The following FGGY variants were observed in gnomAD, a reference collection of about 807,000 sequenced individuals.
The protein encoded by FGGY is FGGY carbohydrate kinase domain containing, also known as FGGY carbohydrate kinase domain-containing protein.
FGGY carries 72 observed loss-of-function variants against 71.3 expected under a neutral mutation model. The ratio of observed to expected loss-of-function variants is 1.01; its 90% CI spans 0.84 to 1.23. FGGY has a LOEUF of 1.23. Ranked by LOEUF, FGGY falls within the 50% of genes most tolerant of loss-of-function variation. The probability of loss-of-function intolerance (pLI) is 0.00; values close to 1 mark genes in which losing one functional copy is unlikely to be tolerated. For missense variants in FGGY, 668 were observed against 682.3 expected (o/e 0.98, Z 0.23); for synonymous variants, 251 against 250.3 (o/e 1.00, Z -0.02).
At chr1:59,398,593 G>T (rs1419885453) in intron 5 of FGGY, among the ~76,000 whole-genome samples, 1 of 152,116 alleles carries the variant, frequency 6.6e-6, no homozygotes, top group Non-Finnish European at 1.5e-5. Flanking sequence ...GGGAAAATGG[G>T]ATATGTTGAC....
chr1:59,651,068 A>T (rs187474478), intron 11 of FGGY, among the ~76,000 whole-genome samples: 4 of 150,984 alleles, frequency 2.6e-5, no homozygotes, highest in African/African-American at 4.9e-5. Flanking sequence ...GCTTTGAGTG[A>T]GATTCTTAAT....
chr1:59,347,538 G>A (rs1188383532), intron 4 of FGGY, among the ~76,000 whole-genome samples: 1 of 152,068 alleles, frequency 6.6e-6, no homozygotes, highest in African/African-American at 2.4e-5. Context: ...TTGCTGTTGT[G>A]AATAGTGCCA....
chr1:59,441,932 G>A (rs1432415621), intron 5 of FGGY, among the ~76,000 whole-genome samples: 1 of 152,110 alleles, frequency 6.6e-6, no homozygotes, highest in Non-Finnish European at 1.5e-5. Context: ...TACAACCTTT[G>A]TCCACCTGGT....
intron 7 of FGGY, among the ~76,000 whole-genome samples, chr1:59,521,058 A>T (rs1411879387): frequency 2.6e-5 from 4 of 151,578 alleles, no homozygotes; most frequent in African/African-American, 9.7e-5. Flanking sequence ...AGAAATGCAG[A>T]TAAAGTCATG....
At chr1:59,532,871 G>T (rs75450752) in intron 7 of FGGY, among the ~76,000 whole-genome samples, 101 of 152,148 alleles carry the variant, frequency 6.6e-4, no homozygotes, top group African/African-American at 2.4e-3. Flanking sequence ...AATGTCAAAA[G>T]AATCTATAGA....
At chr1:59,532,397 T>C (rs189193091) in intron 7 of FGGY, among the ~76,000 whole-genome samples, 16 of 152,242 alleles carry the variant, frequency 1.1e-4, no homozygotes, top group African/African-American at 3.4e-4. Context: ...AGAGGTGTAG[T>C]TGGAGTCCAA....
At chr1:59,714,868 A>G (rs1198745107) in intron 14 of FGGY, among the ~76,000 whole-genome samples, 1 of 152,194 alleles carries the variant, frequency 6.6e-6, no homozygotes, top group Non-Finnish European at 1.5e-5. Context: ...ATGAAAAGAA[A>G]TCTTTGCTGA....
intron 14 of FGGY, among the ~76,000 whole-genome samples, chr1:59,700,131 A>G (rs2097697935): frequency 6.6e-6 from 1 of 152,240 alleles, no homozygotes; most frequent in Admixed American, 6.5e-5. Flanking sequence ...AAGTCTTATA[A>G]AACTGTTTTT....
chr1:59,523,667 C>T (rs1471867944), intron 7 of FGGY, among the ~76,000 whole-genome samples: 2 of 152,158 alleles, frequency 1.3e-5, no homozygotes, highest in African/African-American at 2.4e-5. Context: ...CAACAGCAGT[C>T]CCCCCAGCCC....
chr1:59,694,503 G>A (rs763440626), intron 14 of FGGY, among the ~76,000 whole-genome samples: 1 of 151,906 alleles, frequency 6.6e-6, no homozygotes, highest in African/African-American at 2.4e-5. Context: ...CTGATCCTTG[G>A]CTATGAAGTT....
chr1:59,534,436 A>G (rs903211449), intron 7 of FGGY, among the ~76,000 whole-genome samples: 98 of 152,188 alleles, frequency 6.4e-4, no homozygotes, highest in Middle Eastern at 6.3e-3. Flanking sequence ...AACTCCCCCA[A>G]TCTAGCAAGG....
chr1:59,701,590 A>C (rs1051097320), intron 14 of FGGY, among the ~76,000 whole-genome samples: 1 of 152,200 alleles, frequency 6.6e-6, no homozygotes, highest in African/African-American at 2.4e-5. Flanking sequence ...ATAGCATCAT[A>C]CAGTGTGCTA....
intron 8 of FGGY, among the ~76,000 whole-genome samples, chr1:59,575,693 C>G (rs539409641): frequency 1.3e-5 from 2 of 152,152 alleles, no homozygotes; most frequent in Non-Finnish European, 2.9e-5. Context: ...AATGCCTGTA[C>G]TAGTTTACAT....
At chr1:59,378,454 G>A (rs1351747530) in intron 4 of FGGY, among the ~76,000 whole-genome samples, 1 of 152,030 alleles carries the variant, frequency 6.6e-6, no homozygotes, top group African/African-American at 2.4e-5. Flanking sequence ...CCAGTCTCGG[G>A]TATGTCTTTA....
chr1:59,453,107 G>A (rs2153504040), intron 5 of FGGY, among the ~76,000 whole-genome samples: 1 of 152,310 alleles, frequency 6.6e-6, no homozygotes, highest in East Asian at 1.9e-4. Flanking sequence ...TGGAGTACCT[G>A]TGGCTTCAAT....
chr1:59,342,981 G>A (rs2051017008), intron 3 of FGGY, among the ~76,000 whole-genome samples: 1 of 152,086 alleles, frequency 6.6e-6, no homozygotes, highest in African/African-American at 2.4e-5. Context: ...CAGCACAGTT[G>A]CTGAATGCTT....
chr1:59,404,990 T>C (rs2062526589), intron 5 of FGGY, among the ~76,000 whole-genome samples: 2 of 152,220 alleles, frequency 1.3e-5, no homozygotes, highest in South Asian at 4.1e-4. Context: ...ATTTACATAA[T>C]GTATGCCTGG....
intron 8 of FGGY, among the ~76,000 whole-genome samples, chr1:59,554,564 CG>C (rs2095656181): frequency 6.6e-6 from 1 of 152,100 alleles, no homozygotes; most frequent in Non-Finnish European, 1.5e-5. Context: ...TAATGGGTAG[CG>C]GGGTCTTCTC....
Position 59,754,488 on chromosome 1 carries a change from A to G in FGGY, c.1513-3443A>G, listed in dbSNP as rs542094255. Among the ~76,000 whole-genome samples the G allele has an allele frequency of 2.4e-4, 36 of 151,936 alleles. 1 individual carries two copies. In the South Asian group the frequency reaches 7.1e-3, roughly 30 times the overall value. On this transcript the variant is annotated intron_variant, in intron 14 of 15. Coordinates refer to ENST00000303721, the MANE Select transcript of FGGY (RefSeq NM_018291.5). ...TGGAGTGCTGGAGTGCAGTGGTGCA[A>G]TCTCGATTCACTGCAACCTCTGCCT...
Sources: gnomAD v4.1 joint callset for allele counts (sites outside exome capture counted in the v4.1 genomes callset) on GRCh38, gnomAD v4.1.1 for gene constraint, MANE v1.5 for transcripts, NCBI Gene and HGNC (gene_info 2026-07-23, HGNC 2026-07-21) for gene names.